The following QTGAL variants were observed in gnomAD, a reference collection of about 807,000 sequenced individuals.
QTGAL encodes the protein BGnT-like protein 1.
At chr17:82,951,498 T>G in the QTGAL span, among the ~76,000 whole-genome samples, 3 of 152,214 alleles carry the variant, frequency 2.0e-5, no homozygotes, top group Non-Finnish European at 1.5e-5. Context: ...GTCAGACCAC[T>G]AACACTTTCT....
the QTGAL span, chr17:83,051,750 A>C: frequency 3.3e-6 from 5 of 1,497,558 alleles, no homozygotes; most frequent in Non-Finnish European, 2.7e-6. Flanking sequence ...GTGGGCCTGC[A>C]TGGCCTGGCT....
the QTGAL span, among the ~76,000 whole-genome samples, chr17:82,959,049 GGTGT>G: frequency 3.1e-4 from 27 of 85,804 alleles, 1 homozygote; most frequent in Non-Finnish European, 2.9e-4. Flanking sequence ...GGGGGTGTAT[GGTGT>G]GTGTGTGTGT....
At chr17:82,976,554 G>A in the QTGAL span, among the ~76,000 whole-genome samples, 1 of 86,232 alleles carries the variant, frequency 1.2e-5, no homozygotes, top group Non-Finnish European at 2.2e-5. Flanking sequence ...CCTCCCAGGG[G>A]CCGGAGGCCA....
chr17:83,010,969 G>A, the QTGAL span, among the ~76,000 whole-genome samples: 629 of 152,376 alleles, frequency 4.1e-3, 1 homozygote, highest in Non-Finnish European at 7.0e-3. Context: ...TGGAGCACCT[G>A]CCCTCACGGG....
the QTGAL span, among the ~76,000 whole-genome samples, chr17:83,019,046 A>G: frequency 6.6e-6 from 1 of 152,204 alleles, no homozygotes; most frequent in African/African-American, 2.4e-5. Context: ...GGGGAGGAAC[A>G]CTGCCACCAG....
At chr17:82,942,484 C>T in the QTGAL span, 1 of 1,613,956 alleles carries the variant, frequency 6.2e-7, no homozygotes, top group Non-Finnish European at 8.5e-7. Flanking sequence ...GGAGCCCATA[C>T]CTCACCCCTG....
the QTGAL span, among the ~76,000 whole-genome samples, chr17:82,999,241 T>G: frequency 6.7e-6 from 1 of 148,366 alleles, no homozygotes; most frequent in African/African-American, 2.6e-5. Context: ...TTCACTGTCA[T>G]GCACACACAA....
chr17:82,994,539 G>GACATT, the QTGAL span, among the ~76,000 whole-genome samples: 2 of 152,036 alleles, frequency 1.3e-5, no homozygotes, highest in Non-Finnish European at 2.9e-5. Flanking sequence ...ACAAGTAACA[G>GACATT]GGTCAAAGTC....
the QTGAL span, among the ~76,000 whole-genome samples, chr17:83,012,617 G>A: frequency 1.3e-5 from 2 of 152,162 alleles, no homozygotes; most frequent in South Asian, 2.1e-4. Flanking sequence ...CTGCAGGGAC[G>A]CAAAGGGAGC....
At chr17:83,019,432 G>A in the QTGAL span, among the ~76,000 whole-genome samples, 1 of 152,180 alleles carries the variant, frequency 6.6e-6, no homozygotes, top group Non-Finnish European at 1.5e-5. Context: ...AAAGATATAA[G>A]ACATGAGCAA....
At chr17:82,977,583 C>T in the QTGAL span, among the ~76,000 whole-genome samples, 17 of 152,124 alleles carry the variant, frequency 1.1e-4, no homozygotes, top group Admixed American at 7.2e-4. Flanking sequence ...TCAGGCTCTC[C>T]GGGGGGTCTG....
chr17:82,951,079 C>T, the QTGAL span, among the ~76,000 whole-genome samples: 1 of 152,340 alleles, frequency 6.6e-6, no homozygotes, highest in East Asian at 1.9e-4. Flanking sequence ...ACATGCTTAG[C>T]GTTCCAATAA....
At chr17:82,993,005 T>C in the QTGAL span, among the ~76,000 whole-genome samples, 126,009 of 152,128 alleles carry the variant, frequency 0.83, 52,697 homozygotes, top group African/African-American at 0.95. Flanking sequence ...CAAATCATAT[T>C]GCCAGAGAAA....
the QTGAL span, chr17:82,961,326 C>T: frequency 4.3e-6 from 5 of 1,172,348 alleles, no homozygotes; most frequent in South Asian, 7.5e-5. Flanking sequence ...AGAGGCTCAA[C>T]AGGGACGTGG....
At chr17:82,959,102 GGT>G in the QTGAL span, among the ~76,000 whole-genome samples, 5 of 139,548 alleles carry the variant, frequency 3.6e-5, no homozygotes, top group South Asian at 2.3e-4. Context: ...GGGGGTGTAT[GGT>G]GTGTGTGTAC....
chr17:83,006,375 G>T, the QTGAL span: 3 of 985,356 alleles, frequency 3.0e-6, no homozygotes, highest in Non-Finnish European at 3.6e-6. The surrounding 1 kb of genome is among the most constrained non-coding windows in gnomAD (Gnocchi z 5.8). Flanking sequence ...TGTTGTTGTT[G>T]TTTTTTAATT....
At chr17:82,982,060 G>A in the QTGAL span, among the ~76,000 whole-genome samples, 4 of 149,560 alleles carry the variant, frequency 2.7e-5, no homozygotes, top group African/African-American at 9.9e-5. Flanking sequence ...GATGGGCCAA[G>A]CGGGTGGAGG....
the QTGAL span, among the ~76,000 whole-genome samples, chr17:82,974,657 T>C: frequency 2.6e-5 from 4 of 152,092 alleles, no homozygotes; most frequent in South Asian, 6.2e-4. Context: ...AATCAGCACA[T>C]TCACCCCCCA....
At chr17:82,975,751 G>T in the QTGAL span, among the ~76,000 whole-genome samples, 1 of 102,726 alleles carries the variant, frequency 9.7e-6, no homozygotes, top group Non-Finnish European at 1.9e-5. Flanking sequence ...ATCCTCCCAG[G>T]GACCAGAGGC....
Sources: allele counts gnomAD v4.1 joint callset (sites outside exome capture counted in the v4.1 genomes callset), GRCh38; gene constraint gnomAD v4.1.1; non-coding constraint Gnocchi (gnomAD v3.1); transcripts MANE v1.5; gene names NCBI Gene and HGNC (gene_info 2026-07-23, HGNC 2026-07-21).